GADL1: variants seen among roughly 807,000 people sequenced by gnomAD.
GADL1 encodes the protein acidic amino acid decarboxylase GADL1.
GADL1 carries 71 observed loss-of-function variants against 69.5 expected under a neutral mutation model. The ratio of observed to expected loss-of-function variants is 1.02; its 90% CI spans 0.84 to 1.25. The LOEUF is 1.25. GADL1 is among the 50% of genes most tolerant of loss of function. GADL1 has a pLI of 0.00. For synonymous variants in GADL1, 254 were observed against 214.4 expected (o/e 1.18, Z -1.62); for missense variants, 737 against 631.8 (o/e 1.17, Z -1.79).
intron 1 of GADL1, among the ~76,000 whole-genome samples, chr3:30,877,350 C>G (rs1698591490): frequency 6.6e-6 from 1 of 151,860 alleles, no homozygotes; most frequent in Admixed American, 6.6e-5. Context: ...TTGGGCAAAA[C>G]TGTCATCAAA....
intron 12 of GADL1, among the ~76,000 whole-genome samples, chr3:30,792,143 A>G (rs558858940): frequency 3.9e-5 from 6 of 152,210 alleles, no homozygotes; most frequent in Non-Finnish European, 8.8e-5. Context: ...TACTATAACA[A>G]AGGTCTTACA....
intron 14 of GADL1, among the ~76,000 whole-genome samples, chr3:30,733,539 T>C (rs1387208977): frequency 6.6e-6 from 1 of 152,096 alleles, no homozygotes; most frequent in Non-Finnish European, 1.5e-5. Flanking sequence ...GAGACTTACA[T>C]ACCTCCCTCC....
At chr3:30,804,301 C>G (rs1373956859) in intron 11 of GADL1, among the ~76,000 whole-genome samples, 1 of 143,602 alleles carries the variant, frequency 7.0e-6, no homozygotes, top group Non-Finnish European at 1.5e-5. Flanking sequence ...ACCAAAGCTT[C>G]CAGGTAGAAT....
At chr3:30,831,831 C>G (rs1697797366) in intron 11 of GADL1, among the ~76,000 whole-genome samples, 1 of 151,898 alleles carries the variant, frequency 6.6e-6, no homozygotes, top group South Asian at 2.1e-4. Flanking sequence ...GAGAAGGAGG[C>G]TGGAATGCCT....
At chr3:30,732,661 T>C (rs979281521) in intron 14 of GADL1, among the ~76,000 whole-genome samples, 3 of 152,236 alleles carry the variant, frequency 2.0e-5, no homozygotes, top group African/African-American at 7.2e-5. Context: ...GGCATCATTA[T>C]TGCCTTTGAT....
chr3:30,814,657 A>G (rs548826292), intron 11 of GADL1, among the ~76,000 whole-genome samples: 2 of 152,292 alleles, frequency 1.3e-5, no homozygotes, highest in East Asian at 3.9e-4. Context: ...GACATTCCAT[A>G]AGATAGTCAT....
rs535293654 is a variant in GADL1 at position 30,755,502 on chromosome 3, T to C, written c.1392+22677A>G. 9.2e-5 allele frequency among the ~76,000 whole-genome samples: 14 copies of C among 152,302 alleles called. No individual in the cohort carries two copies. The East Asian group carries it at 2.5e-3, about 27-fold the overall frequency. On this transcript the variant is annotated intron_variant, in intron 14 of 14. Transcript: ENST00000282538. ...AACCTGAAAGATAAGTGAAGACTTC[T>C]CCCCCTAAGGAATTTCTTGGGCCTG...
chr3:30,728,183 G>T lies in GADL1; in HGVS notation c.*59C>A. 6.9e-7 allele frequency: 1 copy of T among 1,445,438 alleles called. No homozygotes were observed. The highest frequency in any genetic ancestry group is 9.7e-7 in the Non-Finnish European group (1 of 1,031,974). The allele number at this position is 1,445,438 out of a possible 1,614,324, so 89.5% of individuals were successfully genotyped here. On this transcript the variant is annotated 3_prime_UTR_variant, in exon 15 of 15. Transcript: ENST00000282538. Reference sequence around the variant, plus strand: ...GCAATCTACTGTGTATCTCCAAGATGTTCTGGATCTAAACTCTCCCAGGAT... The same window carrying T: ...GCAATCTACTGTGTATCTCCAAGATTTTCTGGATCTAAACTCTCCCAGGAT...
chr3:30,762,642 G>A (rs1246362124), intron 14 of GADL1, among the ~76,000 whole-genome samples: 2 of 152,082 alleles, frequency 1.3e-5, no homozygotes, highest in African/African-American at 4.8e-5. Flanking sequence ...CACTTTTTAA[G>A]TTATTTAAAA....
At position 30,833,951 on chromosome 3, in the gene GADL1, G is replaced by A; in HGVS notation, c.969-17C>T. On this transcript the variant is annotated splice_polypyrimidine_tract_variant and intron_variant, in intron 10 of 14. Transcript: ENST00000282538. ...GAGTCAGCCCTATTGTTTAAACAAA[G>A]GGACAGAGTAGGGAGAGGACTCAAT... is the stretch of plus-strand genomic sequence containing the variant. 1 of 1,581,910 alleles carries A rather than the reference G, an allele frequency of 6.3e-7. No individual in the cohort carries two copies. The highest frequency in any genetic ancestry group is 1.1e-5 in the South Asian group (1 of 90,390).
intron 2 of GADL1, among the ~76,000 whole-genome samples, chr3:30,860,523 A>G (rs903703509): frequency 1.3e-5 from 2 of 151,990 alleles, no homozygotes; most frequent in African/African-American, 2.4e-5. Flanking sequence ...GCAAATACCA[A>G]ACACCATCAG....
At chr3:30,831,642 C>T (rs1271286992) in intron 11 of GADL1, among the ~76,000 whole-genome samples, 1 of 151,872 alleles carries the variant, frequency 6.6e-6, no homozygotes, top group Non-Finnish European at 1.5e-5. Flanking sequence ...CTTATGGTAA[C>T]AACCCGTATA....
At chr3:30,763,300 C>T (rs1696185627) in intron 14 of GADL1, among the ~76,000 whole-genome samples, 3 of 151,976 alleles carry the variant, frequency 2.0e-5, no homozygotes, top group Admixed American at 2.0e-4. Context: ...AGATTGAGAC[C>T]ATCCTGGCTA....
intron 14 of GADL1, among the ~76,000 whole-genome samples, chr3:30,730,865 G>T (rs1695446869): frequency 6.6e-6 from 1 of 152,152 alleles, no homozygotes; most frequent in Admixed American, 6.6e-5. Flanking sequence ...ATGTGTGTGT[G>T]TGTGTGCCTG....
At chr3:30,803,540 T>C (rs370640701) in intron 11 of GADL1, among the ~76,000 whole-genome samples, 1 of 152,128 alleles carries the variant, frequency 6.6e-6, no homozygotes, top group East Asian at 1.9e-4. Context: ...GAGAGGACGC[T>C]CATCCATTAT....
At chr3:30,795,665 T>C (rs1475123057) in intron 12 of GADL1, among the ~76,000 whole-genome samples, 1 of 152,158 alleles carries the variant, frequency 6.6e-6, no homozygotes, top group Admixed American at 6.6e-5. Context: ...AAAGAAATCA[T>C]GAAAATAAAG....
intron 4 of GADL1, among the ~76,000 whole-genome samples, chr3:30,852,893 G>C (rs994612563): frequency 1.3e-5 from 2 of 152,070 alleles, no homozygotes; most frequent in South Asian, 2.1e-4. Flanking sequence ...TAATTTTACT[G>C]TCTCTCCTGA....
chr3:30,752,718 C>A (rs910926425), intron 14 of GADL1, among the ~76,000 whole-genome samples: 1 of 152,200 alleles, frequency 6.6e-6, no homozygotes, highest in East Asian at 1.9e-4. Flanking sequence ...GAACTTCCCC[C>A]AGCTCTTAGT....
chr3:30,816,530 C>CTTTTTTTTTTTTTTTTTTTTTTTTTTTTT (rs773530741), intron 11 of GADL1, among the ~76,000 whole-genome samples: 2 of 53,994 alleles, frequency 3.7e-5, no homozygotes, highest in Admixed American at 2.7e-4. Context: ...AATTTGTTTT[C>CTTTTTTTTTTTTTTTTTTTTTTTTTTTTT]TTTTTTTTTT....
Sources: gnomAD v4.1 joint callset for allele counts (sites outside exome capture counted in the v4.1 genomes callset) on GRCh38, gnomAD v4.1.1 for gene constraint, MANE v1.5 for transcripts, NCBI Gene and HGNC (gene_info 2026-07-23, HGNC 2026-07-21) for gene names.